The following PLCXD3 variants were observed in gnomAD, a reference collection of about 807,000 sequenced individuals.
The protein encoded by PLCXD3 is phosphatidylinositol specific phospholipase C X domain containing 3.
A neutral mutation model predicts 25.5 loss-of-function variants in PLCXD3; 19 were observed. The ratio of observed to expected loss-of-function variants is 0.75; its 90% CI spans 0.52 to 1.09. The LOEUF is 1.09. PLCXD3 is among the 50% of genes least tolerant of loss of function. The pLI is 0.00. For synonymous variants in PLCXD3, 174 were observed against 137.6 expected, an observed-to-expected ratio of 1.26 and a Z score of -1.85; for missense variants, 411 against 388.1, an observed-to-expected ratio of 1.06 and a Z score of -0.50.
At chr5:41,378,957 A>G (rs1745374666) in intron 2 of PLCXD3, among the ~76,000 whole-genome samples, 1 of 151,984 alleles carries the variant, frequency 6.6e-6, no homozygotes, top group Non-Finnish European at 1.5e-5. Context: ...TGGCTTCTTC[A>G]AAGGATGATC....
At chr5:41,444,935 G>A (rs921480542) in intron 1 of PLCXD3, among the ~76,000 whole-genome samples, 3 of 152,136 alleles carry the variant, frequency 2.0e-5, no homozygotes, top group East Asian at 1.9e-4. Flanking sequence ...ACTTTAAAAC[G>A]TAAGGAAGGG....
chr5:41,328,068 AT>A (rs1580302169), intron 2 of PLCXD3, among the ~76,000 whole-genome samples: 1 of 152,118 alleles, frequency 6.6e-6, no homozygotes, highest in Non-Finnish European at 1.5e-5. Context: ...TAAAAAAAAA[AT>A]TTCATAGCAC....
intron 1 of PLCXD3, among the ~76,000 whole-genome samples, chr5:41,415,505 A>G (rs1305437426): frequency 6.6e-6 from 1 of 152,154 alleles, no homozygotes; most frequent in East Asian, 1.9e-4. Context: ...TTGGGGTGAA[A>G]TTTATTGACA....
At chr5:41,331,554 G>A (rs935112916) in intron 2 of PLCXD3, among the ~76,000 whole-genome samples, 11 of 152,240 alleles carry the variant, frequency 7.2e-5, no homozygotes, top group Admixed American at 6.5e-4. Context: ...TCCCCATCAA[G>A]CTACCAATGA....
intron 2 of PLCXD3, among the ~76,000 whole-genome samples, chr5:41,357,550 T>A (rs1460997326): frequency 6.6e-6 from 1 of 152,214 alleles, no homozygotes; most frequent in African/African-American, 2.4e-5. Context: ...AATTGAATAG[T>A]GCTCCCTATT....
At chr5:41,354,780 C>T (rs542847050) in intron 2 of PLCXD3, among the ~76,000 whole-genome samples, 3 of 152,216 alleles carry the variant, frequency 2.0e-5, no homozygotes, top group African/African-American at 7.2e-5. Context: ...TGTCTAAATC[C>T]AAATCTGATC....
intron 1 of PLCXD3, among the ~76,000 whole-genome samples, chr5:41,493,154 G>A (rs1291564223): frequency 1.3e-5 from 2 of 152,198 alleles, no homozygotes; most frequent in East Asian, 3.9e-4. Context: ...CTAACAGACA[G>A]AACCCTCAGC....
At chr5:41,398,818 ACCT>A (rs1746088549) in intron 1 of PLCXD3, among the ~76,000 whole-genome samples, 1 of 152,164 alleles carries the variant, frequency 6.6e-6, no homozygotes, top group Admixed American at 6.5e-5. Context: ...GCCTGCTCTC[ACCT>A]CTGTTATTCA....
chr5:41,340,639 G>A (rs896369231), intron 2 of PLCXD3, among the ~76,000 whole-genome samples: 2 of 152,130 alleles, frequency 1.3e-5, no homozygotes, highest in Non-Finnish European at 2.9e-5. Flanking sequence ...CCCAGGGACA[G>A]GCCAAGGCAA....
At chr5:41,337,845 C>T (rs1744028449) in intron 2 of PLCXD3, among the ~76,000 whole-genome samples, 1 of 152,070 alleles carries the variant, frequency 6.6e-6, no homozygotes, top group Admixed American at 6.6e-5. Context: ...TTTAACAGTA[C>T]CATCAGGGAG....
intron 1 of PLCXD3, among the ~76,000 whole-genome samples, chr5:41,459,545 TC>T (rs1747828575): frequency 6.6e-6 from 1 of 151,824 alleles, no homozygotes; most frequent in African/African-American, 2.4e-5. Context: ...ACTGCTCAAG[TC>T]CCTTTAGGAT....
intron 1 of PLCXD3, among the ~76,000 whole-genome samples, chr5:41,439,793 T>C (rs973457196): frequency 6.6e-6 from 1 of 152,214 alleles, no homozygotes; most frequent in African/African-American, 2.4e-5. Context: ...TCTAAAACAT[T>C]CAATATCTCA....
At chr5:41,349,908 T>G (rs1257124780) in intron 2 of PLCXD3, among the ~76,000 whole-genome samples, 2 of 151,944 alleles carry the variant, frequency 1.3e-5, no homozygotes, top group African/African-American at 4.8e-5. Context: ...AATGTCCTAG[T>G]AAACATGCAG....
chr5:41,485,507 C>T (rs935347995), intron 1 of PLCXD3, among the ~76,000 whole-genome samples: 8 of 152,160 alleles, frequency 5.3e-5, no homozygotes, highest in African/African-American at 1.4e-4. Context: ...ATTCCATTTG[C>T]GGTGGCTTCC....
intron 2 of PLCXD3, among the ~76,000 whole-genome samples, chr5:41,323,878 C>A (rs910273216): frequency 3.9e-5 from 6 of 152,170 alleles, no homozygotes; most frequent in Non-Finnish European, 8.8e-5. Flanking sequence ...CTTGGAAAGA[C>A]AGGAGCGAAG....
Position 41,381,998 on chromosome 5 carries a change from C to A in PLCXD3, c.640G>T (p.Ala214Ser). ...GGGTCTGTGGTGTTGGCCCAGGGTG[C>A]TGGCATCATCTGCCCAGGCCAGAGA... ...PFLWPGQMMP[A>S]PWANTTDPEK... is the part of the protein sequence containing the mutation. Residue 214 changes from alanine to serine, a missense_variant, in exon 2 of 3, where the codon GCA becomes TCA. Transcript: ENST00000377801. The A allele has an allele frequency of 4.3e-6, 7 of 1,613,488 alleles. No individual in the cohort carries two copies. Among genetic ancestry groups the A allele is most frequent in the Non-Finnish European group, 5.9e-6 (7 of 1,179,740 alleles).
At chr5:41,454,345 G>A (rs981602715) in intron 1 of PLCXD3, among the ~76,000 whole-genome samples, 21 of 152,068 alleles carry the variant, frequency 1.4e-4, no homozygotes, top group African/African-American at 5.1e-4. Context: ...TTGAGGCTGG[G>A]TTGCCTAAGA....
At chr5:41,333,630 A>G (rs1743896621) in intron 2 of PLCXD3, among the ~76,000 whole-genome samples, 1 of 152,164 alleles carries the variant, frequency 6.6e-6, no homozygotes, top group South Asian at 2.1e-4. Flanking sequence ...GTTCATTTAA[A>G]AAATATTTTT....
intron 1 of PLCXD3, among the ~76,000 whole-genome samples, chr5:41,419,928 A>T (rs1469576438): frequency 1.3e-5 from 2 of 152,176 alleles, no homozygotes; most frequent in Non-Finnish European, 2.9e-5. Context: ...TTTCTCTGAG[A>T]TTTCACAGTA....
Sources: gnomAD v4.1 joint callset for allele counts (sites outside exome capture counted in the v4.1 genomes callset) on GRCh38, gnomAD v4.1.1 for gene constraint, MANE v1.5 for transcripts, NCBI Gene and HGNC (gene_info 2026-07-23, HGNC 2026-07-21) for gene names.